The following DAB1 variants were observed in gnomAD, a reference collection of about 807,000 sequenced individuals.
DAB1 encodes disabled homolog 1.
Under a neutral mutation model 64.6 loss-of-function variants are expected in DAB1, and 15 were observed. The observed-to-expected ratio is 0.23, with a 90% CI of 0.16 to 0.36. The LOEUF is 0.36. Among genes scored for constraint, DAB1 ranks in the 10% least tolerant of loss-of-function variants. The pLI is 1.00. For synonymous variants in DAB1, 235 were observed against 251.9 expected (o/e 0.93, Z 0.64); for missense variants, 596 against 706.7 (o/e 0.84, Z 1.78).
intron 14 of DAB1, among the ~76,000 whole-genome samples, chr1:57,008,256 C>CT (rs1557526318): frequency 6.6e-6 from 1 of 152,122 alleles, no homozygotes; most frequent in Non-Finnish European, 1.5e-5. Context: ...AGGCTTTTTT[C>CT]TTTTTTTCCC....
chr1:58,534,291 T>C, intron 1 of DAB1: 1 of 867,166 alleles, frequency 1.2e-6, no homozygotes, highest in South Asian at 1.3e-5. Flanking sequence ...GTATCGGGCA[T>C]CTTTCTCAGT....
At chr1:58,039,040 AC>A (rs1184183170) in intron 5 of DAB1, among the ~76,000 whole-genome samples, 1 of 151,136 alleles carries the variant, frequency 6.6e-6, no homozygotes, top group South Asian at 2.1e-4. Context: ...CTAAGCCCCG[AC>A]TCTGTTAACT....
At chr1:57,118,979 G>T (rs1656397725) in intron 4 of DAB1, among the ~76,000 whole-genome samples, 1 of 152,144 alleles carries the variant, frequency 6.6e-6, no homozygotes, top group East Asian at 1.9e-4. Flanking sequence ...GACAGTGTCA[G>T]TTACTATTAT....
intron 4 of DAB1, among the ~76,000 whole-genome samples, chr1:58,267,861 C>A (rs981527235): frequency 6.6e-6 from 1 of 152,140 alleles, no homozygotes; most frequent in Non-Finnish European, 1.5e-5. Flanking sequence ...TTCCAAGAAA[C>A]CTTGCGTCCC....
chr1:57,057,862 C>A (rs930660751), intron 9 of DAB1, among the ~76,000 whole-genome samples: 1 of 152,096 alleles, frequency 6.6e-6, no homozygotes, highest in Non-Finnish European at 1.5e-5. Context: ...CCCGCCTTGG[C>A]CTCCCAAAGT....
At chr1:57,222,490 T>C (rs566306761) in intron 2 of DAB1, among the ~76,000 whole-genome samples, 1 of 152,188 alleles carries the variant, frequency 6.6e-6, no homozygotes, top group African/African-American at 2.4e-5. Context: ...TGGAAGGAGC[T>C]TTGAGTAACA....
At chr1:57,055,797 G>C (rs1649692135) in intron 9 of DAB1, among the ~76,000 whole-genome samples, 1 of 151,806 alleles carries the variant, frequency 6.6e-6, no homozygotes, top group African/African-American at 2.4e-5. Context: ...TTTTTCCTGG[G>C]GAGAGGGTCC....
At chr1:57,522,888 T>C (rs1357719736) in intron 7 of DAB1, among the ~76,000 whole-genome samples, 1 of 152,236 alleles carries the variant, frequency 6.6e-6, no homozygotes, top group African/African-American at 2.4e-5. Flanking sequence ...GGAGGTTTCT[T>C]GCCCTTGAAT....
intron 7 of DAB1, among the ~76,000 whole-genome samples, chr1:57,645,464 T>C (rs1259870150): frequency 1.3e-5 from 2 of 152,180 alleles, no homozygotes; most frequent in African/African-American, 4.8e-5. Flanking sequence ...AGACCAGCTA[T>C]AGAGTAGGAA....
chr1:58,171,608 T>A (rs1656179511), intron 4 of DAB1, among the ~76,000 whole-genome samples: 2 of 152,194 alleles, frequency 1.3e-5, no homozygotes, highest in Admixed American at 1.3e-4. Context: ...GCACTCTGAC[T>A]CCCAGTTTCT....
chr1:58,493,534 A>G (rs1211247913), intron 3 of DAB1, among the ~76,000 whole-genome samples: 2 of 151,510 alleles, frequency 1.3e-5, no homozygotes, highest in Non-Finnish European at 2.9e-5. Context: ...TCTCAGCCCA[A>G]AATCTCCTTA....
chr1:57,138,616 T>C (rs1195961820), intron 3 of DAB1, among the ~76,000 whole-genome samples: 1 of 152,184 alleles, frequency 6.6e-6, no homozygotes, highest in Non-Finnish European at 1.5e-5. Flanking sequence ...GTTTCTAGAT[T>C]GCTCAATGTG....
intron 4 of DAB1, among the ~76,000 whole-genome samples, chr1:58,196,838 T>G (rs1393769405): frequency 1.3e-5 from 2 of 152,120 alleles, no homozygotes; most frequent in African/African-American, 4.8e-5. Context: ...GGATTACAAT[T>G]TGCGATGAGA....
At chr1:57,585,114 T>C (rs963608434) in intron 7 of DAB1, among the ~76,000 whole-genome samples, 1 of 151,740 alleles carries the variant, frequency 6.6e-6, no homozygotes, top group African/African-American at 2.4e-5. Flanking sequence ...CTGGATGTGG[T>C]GGTGGGTGGC....
chr1:58,095,782 T>C (rs1650941531), intron 5 of DAB1, among the ~76,000 whole-genome samples: 3 of 152,186 alleles, frequency 2.0e-5, no homozygotes, highest in Non-Finnish European at 4.4e-5. Flanking sequence ...AAGGTACCAA[T>C]TATCATATCT....
At chr1:57,490,039 C>T (rs938183282) in intron 7 of DAB1, among the ~76,000 whole-genome samples, 3 of 152,126 alleles carry the variant, frequency 2.0e-5, no homozygotes, top group Non-Finnish European at 2.9e-5. Flanking sequence ...TTGTCCGCTT[C>T]CACCATGTGA....
chr1:58,089,658 C>A (rs757698979), intron 5 of DAB1, among the ~76,000 whole-genome samples: 1 of 152,146 alleles, frequency 6.6e-6, no homozygotes, highest in Non-Finnish European at 1.5e-5. Context: ...AAGGCAGCAG[C>A]CTTAATTTCC....
At chr1:58,391,286 T>C (rs1006616888) in intron 3 of DAB1, among the ~76,000 whole-genome samples, 2 of 152,220 alleles carry the variant, frequency 1.3e-5, no homozygotes, top group African/African-American at 2.4e-5. Context: ...GCAGTGAGAC[T>C]GCAATAGCCA....
rs188798088 is a variant in DAB1, at chr1:58,028,845, C to T, written n.387+121666G>A. 1.4e-3 allele frequency among the ~76,000 whole-genome samples: 209 copies of T among 152,250 alleles called. 2 individuals carry two copies. The Middle Eastern group carries it at 0.02, about 15-fold the overall frequency. ...TGAGGCTGAAAGAATTTATGTCATACAACTGCATAGTGGTTAAGTTGAGTT... is the reference window on the plus strand; with the variant it reads ...TGAGGCTGAAAGAATTTATGTCATATAACTGCATAGTGGTTAAGTTGAGTT... On this transcript the variant is annotated intron_variant and non_coding_transcript_variant, in intron 5 of 20. Coordinates refer to the DAB1 transcript ENST00000485760.
Sources: allele counts gnomAD v4.1 joint callset (sites outside exome capture counted in the v4.1 genomes callset), GRCh38; gene constraint gnomAD v4.1.1; transcripts MANE v1.5; gene names NCBI Gene and HGNC (gene_info 2026-07-23, HGNC 2026-07-21).